Variants in NREP observed in about 807,000 individuals in gnomAD.
NREP encodes the protein neuronal regeneration-related protein.
NREP carries 5 observed loss-of-function variants against 8.6 expected under a neutral mutation model. The ratio of observed to expected loss-of-function variants is 0.58; its 90% CI spans 0.30 to 1.22. The LOEUF is 1.22. Among genes scored for constraint, NREP ranks in the 50% most tolerant of loss-of-function variants. NREP has a pLI of 0.07. For synonymous variants in NREP, 27 were observed against 28.0 expected, an observed-to-expected ratio of 0.96 and a Z score of 0.11; for missense variants, 86 against 82.5, an observed-to-expected ratio of 1.04 and a Z score of -0.17.
intron 2 of NREP, among the ~76,000 whole-genome samples, chr5:111,789,965 A>C (rs1236933372): frequency 1.3e-5 from 2 of 152,184 alleles, no homozygotes; most frequent in Non-Finnish European, 2.9e-5. Context: ...GAGAAAATAC[A>C]AACAAAATTG....
At chr5:111,877,330 T>C (rs1419189272) in intron 2 of NREP, among the ~76,000 whole-genome samples, 7 of 152,204 alleles carry the variant, frequency 4.6e-5, no homozygotes, top group Non-Finnish European at 4.4e-5. Context: ...CTCCAATAAT[T>C]CTAAACCAAT....
chr5:111,880,876 C>T (rs1300292969), intron 2 of NREP, among the ~76,000 whole-genome samples: 2 of 151,638 alleles, frequency 1.3e-5, no homozygotes, highest in South Asian at 4.2e-4. Flanking sequence ...CAGCTCCGTT[C>T]TACAGCTCCC....
At chr5:111,949,149 T>C (rs1041031823) in intron 2 of NREP, among the ~76,000 whole-genome samples, 1 of 152,102 alleles carries the variant, frequency 6.6e-6, no homozygotes, top group African/African-American at 2.4e-5. Context: ...ATAATAATCC[T>C]GCTGGCCAAC....
At position 111,909,434 on chromosome 5, in the gene NREP, T is replaced by C. The variant is rs1460259555; in HGVS notation, c.135+65840A>G. ...TTAAGCCTTTTACTCTATTTTTATA[T>C]TAATGATTATTTAATCAAGGGATTT... is the stretch of plus-strand genomic sequence containing the variant. On this transcript the variant is annotated intron_variant, in intron 2 of 3. Coordinates refer to the NREP transcript ENST00000395634. 2.0e-5 allele frequency among the ~76,000 whole-genome samples: 3 copies of C among 152,098 alleles called. No homozygotes were observed. In the East Asian group the frequency reaches 5.8e-4, roughly 29 times the overall value.
At chr5:111,735,221 A>C (rs1748990624) in intron 3 of NREP, 2 of 429,844 alleles carry the variant, frequency 4.7e-6, no homozygotes, top group Non-Finnish European at 8.4e-6. Context: ...AAAATTTTTC[A>C]TTTATGAAGG....
At chr5:111,778,777 A>G (rs929759345) in intron 2 of NREP, among the ~76,000 whole-genome samples, 1 of 152,176 alleles carries the variant, frequency 6.6e-6, no homozygotes, top group Non-Finnish European at 1.5e-5. Flanking sequence ...AAGCTCTCCT[A>G]TGAAGCCCCC....
At chr5:111,835,651 C>G (rs551083244) in intron 2 of NREP, among the ~76,000 whole-genome samples, 50 of 152,212 alleles carry the variant, frequency 3.3e-4, no homozygotes, top group African/African-American at 1.2e-3. Context: ...AAGGCTGGAA[C>G]ATAGGTTACT....
intron 2 of NREP, among the ~76,000 whole-genome samples, chr5:111,882,077 T>A (rs1754094661): frequency 6.6e-6 from 1 of 152,024 alleles, no homozygotes; most frequent in East Asian, 1.9e-4. Context: ...AGTTCAAAAC[T>A]TTGAAAAAAA....
intron 2 of NREP, among the ~76,000 whole-genome samples, chr5:111,878,727 A>T (rs1306146643): frequency 6.6e-6 from 1 of 152,218 alleles, no homozygotes; most frequent in East Asian, 1.9e-4. Flanking sequence ...CGACAGTCAG[A>T]TAGGCCTGTC....
chr5:111,867,223 CTGAG>C (rs1753688442), intron 2 of NREP, among the ~76,000 whole-genome samples: 1 of 151,978 alleles, frequency 6.6e-6, no homozygotes, highest in African/African-American at 2.4e-5. Flanking sequence ...ATACCATAGA[CTGAG>C]TGGCTTAAAC....
chr5:111,811,030 G>C (rs1752257828), intron 2 of NREP, among the ~76,000 whole-genome samples: 1 of 152,140 alleles, frequency 6.6e-6, no homozygotes, highest in Non-Finnish European at 1.5e-5. Flanking sequence ...AGTAATTATA[G>C]AGCCTAAAAC....
intron 2 of NREP, among the ~76,000 whole-genome samples, chr5:111,894,939 T>C (rs781074076): frequency 5.3e-5 from 8 of 152,188 alleles, no homozygotes; most frequent in African/African-American, 1.9e-4. Context: ...AGAGAACTTA[T>C]CTGAAGTACA....
intron 1 of NREP, 143 bp downstream of exon 1, chr5:111,756,993 T>TA (rs1750754773): frequency 6.4e-6 from 1 of 155,416 alleles, no homozygotes; most frequent in South Asian, 2.0e-4. Flanking sequence ...TTCTCCAAGG[T>TA]ACACGCTTCA....
chr5:111,939,919 G>A (rs1454167720), intron 2 of NREP: 3 of 151,948 alleles, frequency 2.0e-5, no homozygotes, highest in Non-Finnish European at 2.9e-5. Context: ...ACAAGGTTAT[G>A]TTTTGATCAG....
chr5:111,863,185 G>A (rs1487557375), intron 2 of NREP, among the ~76,000 whole-genome samples: 1 of 151,992 alleles, frequency 6.6e-6, no homozygotes, highest in Non-Finnish European at 1.5e-5. Flanking sequence ...TAGAGAGAGA[G>A]AAACATGAAA....
At chr5:111,748,421 A>C (rs17133711) in intron 2 of NREP, among the ~76,000 whole-genome samples, 38,438 of 152,062 alleles carry the variant, frequency 0.25, 5,483 homozygotes, top group African/African-American at 0.38. Flanking sequence ...CAAAGTGGGC[A>C]ACCTGGTCCT....
At chr5:111,959,236 G>A (rs1756416319) in intron 2 of NREP, among the ~76,000 whole-genome samples, 1 of 151,450 alleles carries the variant, frequency 6.6e-6, no homozygotes, top group African/African-American at 2.4e-5. Flanking sequence ...TACTCTGTGA[G>A]TTCACTTATG....
intron 2 of NREP, among the ~76,000 whole-genome samples, chr5:111,803,629 A>G (rs1752067717): frequency 6.6e-6 from 1 of 152,202 alleles, no homozygotes; most frequent in South Asian, 2.1e-4. Flanking sequence ...TGCATTTTAA[A>G]TATCTATTAA....
intron 2 of NREP, among the ~76,000 whole-genome samples, chr5:111,854,823 T>C (rs1753390556): frequency 6.6e-6 from 1 of 152,198 alleles, no homozygotes; most frequent in African/African-American, 2.4e-5. Flanking sequence ...CCACTGCTAT[T>C]ACTCTGCATG....
Sources: gnomAD v4.1 joint callset for allele counts (sites outside exome capture counted in the v4.1 genomes callset) on GRCh38, gnomAD v4.1.1 for gene constraint, MANE v1.5 for transcripts, NCBI Gene and HGNC (gene_info 2026-07-23, HGNC 2026-07-21) for gene names.